The following VCF2 variants were observed in gnomAD, a reference collection of about 807,000 sequenced individuals.
VCF2 encodes the protein VCP nuclear cofactor family member 2.
the VCF2 span, among the ~76,000 whole-genome samples, chrX:55,157,481 G>A: frequency 8.9e-6 from 1 of 111,906 alleles, no homozygotes; most frequent in Non-Finnish European, 1.9e-5. Flanking sequence ...GCAGTGAGCC[G>A]AGATCGTGCC....
the VCF2 span, among the ~76,000 whole-genome samples, chrX:55,151,884 CTTTCT>C: frequency 9.9e-5 from 8 of 80,716 alleles, no homozygotes; most frequent in Admixed American, 1.7e-4. Flanking sequence ...TTAAGCTGTG[CTTTCT>C]TTTTTTTTTT....
the VCF2 span, chrX:55,160,953 C>G: frequency 3.4e-6 from 4 of 1,162,876 alleles, no homozygotes; most frequent in Non-Finnish European, 4.6e-6. Flanking sequence ...AGCAGGGCCG[C>G]GCCACCGGCC....
At chrX:55,157,591 CA>C in the VCF2 span, among the ~76,000 whole-genome samples, 1 of 111,987 alleles carries the variant, frequency 8.9e-6, no homozygotes, top group East Asian at 2.8e-4. Context: ...GATAACCTGA[CA>C]AGGGGAGATT....
chrX:55,160,908 T>C, the VCF2 span: 1 of 1,160,246 alleles, frequency 8.6e-7, no homozygotes, highest in Non-Finnish European at 1.1e-6. Flanking sequence ...CTTCGCGGGA[T>C]TTTTTTTCAA....
chrX:55,152,617 T>C, the VCF2 span, among the ~76,000 whole-genome samples: 2 of 111,898 alleles, frequency 1.8e-5, no homozygotes, highest in African/African-American at 6.5e-5. Flanking sequence ...CCTAAAATCA[T>C]TAGGCCAAGG....
At chrX:55,145,984 T>G in the VCF2 span, 2 of 1,109,071 alleles carry the variant, frequency 1.8e-6, no homozygotes, top group Non-Finnish European at 2.4e-6. Flanking sequence ...ATTAACTTGT[T>G]ACTTAAAATG....
the VCF2 span, chrX:55,160,999 CACCAACCCCGG>C: frequency 8.6e-7 from 1 of 1,167,837 alleles, no homozygotes; most frequent in South Asian, 1.9e-5. Flanking sequence ...AGCCGAGCGC[CACCAACCCCGG>C]AAGAAAATAC....
the VCF2 span, chrX:55,145,307 T>C: frequency 1.3e-6 from 1 of 744,761 alleles, no homozygotes; most frequent in Non-Finnish European, 1.6e-6. Context: ...AATTTTTGTT[T>C]AAGACAAAAT....
the VCF2 span, chrX:55,159,189 ATGATGGTTGCCCTCTTTAC>A: frequency 8.3e-7 from 1 of 1,209,157 alleles, no homozygotes; most frequent in East Asian, 3.0e-5. Flanking sequence ...GCTGGGTGGA[ATGATGGTTGCCCTCTTTAC>A]TGCCATTTCT....
At chrX:55,153,305 A>T in the VCF2 span, among the ~76,000 whole-genome samples, 8 of 111,506 alleles carry the variant, frequency 7.2e-5, no homozygotes, top group East Asian at 2.8e-4. Flanking sequence ...AATTTTTTTT[A>T]AATTTTAGTT....
chrX:55,156,897 AAAC>A, the VCF2 span, among the ~76,000 whole-genome samples: 1 of 112,506 alleles, frequency 8.9e-6, no homozygotes, highest in Non-Finnish European at 1.9e-5. Flanking sequence ...CAATTCATTA[AAAC>A]AACTGAGATT....
chrX:55,145,576 C>T, the VCF2 span: 2 of 756,133 alleles, frequency 2.6e-6, no homozygotes, highest in Non-Finnish European at 3.1e-6. Context: ...TATGGCAGTT[C>T]ATTTCAGTGC....
At chrX:55,150,130 A>G in the VCF2 span, among the ~76,000 whole-genome samples, 1 of 112,425 alleles carries the variant, frequency 8.9e-6, no homozygotes, top group African/African-American at 3.2e-5. Context: ...ATTGTCAAAT[A>G]TAAAATGGCA....
chrX:55,151,724 C>T, the VCF2 span, among the ~76,000 whole-genome samples: 2 of 111,298 alleles, frequency 1.8e-5, no homozygotes, highest in Non-Finnish European at 3.8e-5. Flanking sequence ...TCTAGTCTTG[C>T]CTAATGTTTT....
the VCF2 span, among the ~76,000 whole-genome samples, chrX:55,160,548 G>T: frequency 8.9e-6 from 1 of 112,074 alleles, no homozygotes; most frequent in Non-Finnish European, 1.9e-5. Context: ...TAATGGTCAC[G>T]GCTGGGTGAT....
At chrX:55,146,010 A>G in the VCF2 span, 2 of 1,138,548 alleles carry the variant, frequency 1.8e-6, no homozygotes, top group African/African-American at 1.8e-5. Context: ...TTAAAAACCA[A>G]TAGACTTTTT....
the VCF2 span, chrX:55,160,861 T>C: frequency 8.6e-7 from 1 of 1,156,456 alleles, no homozygotes; most frequent in South Asian, 1.9e-5. Flanking sequence ...TGTAAGGCAC[T>C]GACAACCAAA....
At chrX:55,156,157 T>C in the VCF2 span, among the ~76,000 whole-genome samples, 998 of 110,796 alleles carry the variant, frequency 9.0e-3, 9 homozygotes, top group African/African-American at 0.031. Flanking sequence ...TTTCACCATA[T>C]TGGCCAGGCT....
the VCF2 span, chrX:55,145,326 T>C: frequency 1.3e-6 from 1 of 749,647 alleles, no homozygotes. Flanking sequence ...ATATTACATA[T>C]TTCTTATCTG....
Sources: gnomAD v4.1 joint callset for allele counts (sites outside exome capture counted in the v4.1 genomes callset) on GRCh38, gnomAD v4.1.1 for gene constraint, MANE v1.5 for transcripts, NCBI Gene and HGNC (gene_info 2026-07-23, HGNC 2026-07-21) for gene names.